Variants in PRIM1 observed in about 807,000 individuals in gnomAD.
The protein encoded by PRIM1 is DNA primase small subunit.
A neutral mutation model predicts 60.2 loss-of-function variants in PRIM1; 38 were observed. That is an observed-to-expected ratio of 0.63 (90% CI 0.49 to 0.83). PRIM1 has a LOEUF of 0.83. PRIM1 is among the 40% of genes least tolerant of loss of function. The pLI is 0.00. For missense variants in PRIM1, 388 were observed against 506.2 expected (o/e 0.77, Z 2.24); for synonymous variants, 158 against 160.2 (o/e 0.99, Z 0.10).
chr12:56,748,726 C>T lies in PRIM1; in HGVS notation c.262-1694G>A, dbSNP rs544926322. Among the ~76,000 whole-genome samples, 12 of 151,340 alleles carry T rather than the reference C, an allele frequency of 7.9e-5. No individual in the cohort carries two copies. In the South Asian group the frequency reaches 2.1e-3, roughly 26 times the overall value. On this transcript the variant is annotated intron_variant, in intron 2 of 12. Coordinates refer to ENST00000338193, the MANE Select transcript of PRIM1 (RefSeq NM_000946.3). ...ATCCCAGCATTTTGGGAGGCCAAGG[C>T]GGGTGGATCACTTGAGGTCAGGAGT...
chr12:56,732,983 T>G (rs2137855596), intron 12 of PRIM1, among the ~76,000 whole-genome samples: 2 of 151,404 alleles, frequency 1.3e-5, no homozygotes, highest in East Asian at 3.9e-4. Flanking sequence ...GCCTCCCAAG[T>G]AGCTGGGATT....
intron 4 of PRIM1, chr12:56,746,401 G>A (rs1396948721): frequency 1.5e-6 from 1 of 674,996 alleles, no homozygotes; most frequent in South Asian, 1.5e-5. Context: ...GGGAGGCCGA[G>A]GTGGGCAGAT....
chr12:56,732,699 A>G (rs917148610), intron 12 of PRIM1, among the ~76,000 whole-genome samples: 1 of 151,992 alleles, frequency 6.6e-6, no homozygotes, highest in African/African-American at 2.4e-5. Context: ...TTCCAGAGTA[A>G]CTGGATGCTT....
chr12:56,747,474 A>G (rs563501559), intron 2 of PRIM1, among the ~76,000 whole-genome samples: 1 of 152,354 alleles, frequency 6.6e-6, no homozygotes, highest in Non-Finnish European at 1.5e-5. Context: ...AGCTGGGCAC[A>G]GTGGCTCATG....
At chr12:56,743,446 A>T in intron 6 of PRIM1, 1 of 166,458 alleles carries the variant, frequency 6.0e-6, no homozygotes, top group Admixed American at 6.4e-5. Context: ...TACACTTTCC[A>T]CTGTGAATTG....
chr12:56,740,685 G>A (rs1445564787), intron 9 of PRIM1, among the ~76,000 whole-genome samples: 5 of 152,108 alleles, frequency 3.3e-5, no homozygotes, highest in East Asian at 1.9e-4. Context: ...CAGAAGGATC[G>A]CTTGAGCCGA....
chr12:56,742,112 G>C, intron 7 of PRIM1: 1 of 400,114 alleles, frequency 2.5e-6, no homozygotes, highest in South Asian at 2.2e-5. Context: ...AATCAGCAGG[G>C]CATGGTGGTG....
At chr12:56,735,157 G>A (rs1953817540) in intron 11 of PRIM1, among the ~76,000 whole-genome samples, 1 of 151,412 alleles carries the variant, frequency 6.6e-6, no homozygotes, top group Non-Finnish European at 1.5e-5. Context: ...CTGGTATGCA[G>A]TGGTGCAATC....
At position 56,752,233 on chromosome 12, in the gene PRIM1, G is replaced by A; in HGVS notation, c.66C>T (p.Pro22=). ...LLKLYYRRLF[P]YSQYYRWLNY... is the part of the protein sequence containing the mutation. ...TGAGCCAGCGATAGTACTGAGAGTAGGGAAAGAGCCTCCGGTAATAAAGTT... is the reference window on the plus strand; with the variant it reads ...TGAGCCAGCGATAGTACTGAGAGTAAGGAAAGAGCCTCCGGTAATAAAGTT... The change falls in exon 1 of 13, where the codon CCC becomes CCT. Residue 22 remains proline, a synonymous_variant. Transcript: ENST00000338193. 6.2e-7 allele frequency: 1 copy of A among 1,603,774 alleles called. No homozygotes were observed. Among genetic ancestry groups the A allele is most frequent in the Non-Finnish European group, 8.5e-7 (1 of 1,175,044 alleles).
In PRIM1 at chr12:56,752,283, G is replaced by A. The variant is rs1417425210; in HGVS notation, c.16C>T (p.Pro6Ser). 7 of 1,585,304 alleles carry A rather than the reference G, an allele frequency of 4.4e-6. No homozygotes were observed. The highest frequency in any genetic ancestry group is 6.0e-6 in the Non-Finnish European group (7 of 1,165,652). METFD[P>S]TELPELLKLY... ...TTAAGCAGCTCGGGCAGCTCGGTGG[G>A]GTCAAACGTCTCCATTGAGCGCGGA... The change falls in exon 1 of 13, where the codon CCC becomes TCC. Residue 6 changes from proline (P) to serine (S), a missense_variant. Coordinates refer to ENST00000338193, the MANE Select transcript of PRIM1 (RefSeq NM_000946.3).
intron 5 of PRIM1, among the ~76,000 whole-genome samples, chr12:56,745,201 TAGG>T (rs1555229121): frequency 5.3e-4 from 81 of 152,030 alleles, no homozygotes; most frequent in Non-Finnish European, 1.5e-5. Context: ...AGTTTGAGTT[TAGG>T]AGTTCAAGAA....
chr12:56,748,626 CAAAAA>C (rs1181089411), intron 2 of PRIM1, among the ~76,000 whole-genome samples: 1 of 67,388 alleles, frequency 1.5e-5, no homozygotes. Context: ...GACTCTGTCT[CAAAAA>C]AAAAAAAAAA....
chr12:56,743,413 G>A (rs1006745623), intron 6 of PRIM1: 5 of 178,756 alleles, frequency 2.8e-5, no homozygotes, highest in African/African-American at 1.2e-4. Context: ...TAATACATCA[G>A]TAGTAGAATG....
intron 1 of PRIM1, 117 bp downstream of exon 1, chr12:56,752,079 G>A: frequency 3.6e-6 from 2 of 559,714 alleles, no homozygotes; most frequent in East Asian, 4.5e-5. Flanking sequence ...GAGAGCAAAT[G>A]AAGGCGCGCG....
At chr12:56,751,248 G>A in intron 1 of PRIM1, 53 bp from the exon 2 acceptor site, 1 of 1,316,108 alleles carries the variant, frequency 7.6e-7, no homozygotes, top group Non-Finnish European at 1.0e-6. Flanking sequence ...TTTGGCTCAG[G>A]GCATTATAAT....
chr12:56,741,422 C>T lies in PRIM1; in HGVS notation c.982+13G>A. On this transcript the variant is annotated intron_variant, in intron 9 of 12. Transcript: ENST00000338193. The stretch of plus-strand genomic sequence containing the variant: ...TTTTTCTTTTAGTTTTCCTTAGTTT[C>T]CTTGTGTAGTACCTGTTTTAGGATG... 9 of 1,598,400 alleles carry T rather than the reference C, an allele frequency of 5.6e-6. No individual in the cohort carries two copies. Among genetic ancestry groups the T allele is most frequent in the Non-Finnish European group, 6.8e-6 (8 of 1,175,456 alleles).
At position 56,742,997 on chromosome 12, in the gene PRIM1, A is replaced by G; in HGVS notation, c.738T>C (p.Leu246=). 2 of 1,538,828 alleles carry G rather than the reference A, an allele frequency of 1.3e-6. No individual in the cohort carries two copies. The highest frequency in any genetic ancestry group is 1.7e-6 in the Non-Finnish European group (2 of 1,145,004). The change falls in exon 7 of 13, where the codon CTT becomes CTC. Residue 246 remains leucine, a synonymous_variant. Transcript: ENST00000338193. ...NKESWDKILA[L]VPETIHDELQ... is the part of the protein sequence containing the mutation. ...CACGGGAAAGGATATTTTCAGGAAC[A>G]AGGGCTAAAATCTTATCCCAGCTTT...
chr12:56,744,066 T>C lies in PRIM1; in HGVS notation c.637A>G (p.Arg213Gly), dbSNP rs766004766. 4.5e-6 allele frequency: 7 copies of C among 1,568,844 alleles called. No individual in the cohort carries two copies. The Admixed American group carries it at 1.3e-4, about 29-fold the overall frequency. ...HLSEKIHPFI[R>G]KSINIIKKYF... ...TGCTTGGAGACTTTTCCAACAGACC[T>C]GATAAAAGGGTGAATTTTTTCACTT... Residue 213 changes from arginine (R) to glycine (G), a missense_variant and splice_region_variant, in exon 6 of 13, where the codon AGA (arginine) becomes GGA (glycine). This residue lies in a region of PRIM1 where 211 missense variants were observed against 277.9 expected (regional missense o/e 0.76). Coordinates refer to ENST00000338193, the MANE Select transcript of PRIM1 (RefSeq NM_000946.3).
chr12:56,743,977 A>C (rs1953889588), intron 6 of PRIM1, 88 bp downstream of exon 6: 3 of 874,562 alleles, frequency 3.4e-6, no homozygotes, highest in Non-Finnish European at 5.4e-6. Context: ...AATGCTACCC[A>C]GCAGTGAAAA....
Sources: gnomAD v4.1 joint callset for allele counts (sites outside exome capture counted in the v4.1 genomes callset) on GRCh38, gnomAD v4.1.1 for gene constraint, gnomAD v4.1.1 regional missense constraint, MANE v1.5 for transcripts, NCBI Gene and HGNC (gene_info 2026-07-23, HGNC 2026-07-21) for gene names.